Variants in LEUTX observed in about 807,000 individuals in gnomAD.
LEUTX encodes the protein leucine twenty homeobox.
Under a neutral mutation model 4.5 loss-of-function variants are expected in LEUTX, and 5 were observed. The observed-to-expected ratio is 1.11, with a 90% confidence interval of 0.58 to 2.34. LEUTX has a LOEUF of 2.34. Ranked by LOEUF, LEUTX falls within the 30% of genes most tolerant of loss-of-function variation. LEUTX has a pLI of 0.01. For missense variants in LEUTX, 233 were observed against 239.4 expected (o/e 0.97, Z 0.18); for synonymous variants, 89 against 85.1 (o/e 1.05, Z -0.25).
At chr19:39,781,580 T>C (rs1378784637) in intron 1 of LEUTX, among the ~76,000 whole-genome samples, 1 of 152,152 alleles carries the variant, frequency 6.6e-6, no homozygotes, top group East Asian at 1.9e-4. Context: ...TCTCTATCTC[T>C]AAGTTCACCT....
At chr19:39,785,422 A>G (rs1308650264) in intron 2 of LEUTX, among the ~76,000 whole-genome samples, 2 of 149,510 alleles carry the variant, frequency 1.3e-5, no homozygotes, top group East Asian at 2.0e-4. Context: ...TGGGTGACAG[A>G]GTGGTAGCTT....
chr19:39,776,928 G>T (rs1015108958), upstream of LEUTX, among the ~76,000 whole-genome samples: 4 of 152,056 alleles, frequency 2.6e-5, no homozygotes, highest in Admixed American at 6.6e-5. Flanking sequence ...TGTCTCCCAA[G>T]GCCCCTTGAA....
chr19:39,783,587 C>G (rs1490654645), intron 1 of LEUTX, among the ~76,000 whole-genome samples: 1 of 151,898 alleles, frequency 6.6e-6, no homozygotes, highest in African/African-American at 2.4e-5. Context: ...ACACTGTTTT[C>G]CATAGTGGCT....
Position 39,784,597 on chromosome 19 carries a change from G to T in LEUTX, c.78G>T (p.Leu26Phe). 2.6e-6 allele frequency: 4 copies of T among 1,547,008 alleles called. No homozygotes were observed. Among genetic ancestry groups the T allele is most frequent in the Non-Finnish European group, 3.5e-6 (4 of 1,142,768 alleles). Residue 26 changes from leucine (L) to phenylalanine (F), a missense_variant, in exon 2 of 3, where the codon TTG (leucine) becomes TTT (phenylalanine). Physicochemically the swap from Leu to Phe is conservative, Grantham distance 22. Transcript: ENST00000638280. The stretch of plus-strand genomic sequence containing the variant: ...AACAACTCACAGCATTGAGAGAATT[G>T]CTTGAAAAGACCATGCACCCAAGTT... The part of the protein sequence containing the change: ...LSKQLTALRE[L>F]LEKTMHPSLA...
intron 1 of LEUTX, among the ~76,000 whole-genome samples, chr19:39,779,260 A>G (rs1967848808): frequency 1.3e-5 from 2 of 151,974 alleles, no homozygotes; most frequent in Admixed American, 1.3e-4. Flanking sequence ...GCTAATTTTT[A>G]AATTTTTTGT....
At position 39,785,987 on chromosome 19, in the gene LEUTX, C is replaced by T; in HGVS notation, c.449C>T (p.Ala150Val). The change falls in exon 3 of 3, where the codon GCT (alanine) becomes GTT (valine). Residue 150 changes from alanine to valine, a missense_variant. By Grantham distance (64) the Ala-to-Val change is moderately conservative. Transcript: ENST00000638280. ...SYDIEQICLG[A>V]SNPPWASTLF... ...GACATTGAACAGATATGTCTGGGGGCTTCAAATCCTCCTTGGGCCTCCACT... is the reference window on the plus strand; with the variant it reads ...GACATTGAACAGATATGTCTGGGGGTTTCAAATCCTCCTTGGGCCTCCACT... 6.4e-7 allele frequency: 1 copy of T among 1,551,736 alleles called. No homozygotes were observed. Among genetic ancestry groups the T allele is most frequent in the Non-Finnish European group, 8.7e-7 (1 of 1,147,002 alleles).
In LEUTX at chr19:39,784,594, A is replaced by G; in HGVS notation, c.75A>G (p.Glu25=). ...CCAAACAACTCACAGCATTGAGAGA[A>G]TTGCTTGAAAAGACCATGCACCCAA... ...FLSKQLTALR[E]LLEKTMHPSL... The change falls in exon 2 of 3, where the codon GAA becomes GAG. Residue 25 remains glutamate, a synonymous_variant. Transcript: ENST00000638280. 1.3e-6 allele frequency: 2 copies of G among 1,544,076 alleles called. No homozygotes were observed. The highest frequency in any genetic ancestry group is 1.8e-6 in the Non-Finnish European group (2 of 1,140,128).
At chr19:39,778,473 C>T (rs1005770176), upstream of LEUTX, among the ~76,000 whole-genome samples, 4 of 152,126 alleles carry the variant, frequency 2.6e-5, no homozygotes, top group Admixed American at 1.3e-4. Context: ...CTCCGGGTCT[C>T]ACTGGAAGCC....
upstream of LEUTX, chr19:39,776,803 C>G: frequency 2.5e-6 from 1 of 395,030 alleles, no homozygotes; most frequent in South Asian, 1.9e-5. Context: ...ATCCCTTGAG[C>G]CTGGGAGGCG....
chr19:39,779,763 C>G (rs1238313505), intron 1 of LEUTX, among the ~76,000 whole-genome samples: 1 of 152,132 alleles, frequency 6.6e-6, no homozygotes, highest in Non-Finnish European at 1.5e-5. Context: ...CCTGTAATTC[C>G]AACACTTTCA....
chr19:39,779,852 A>G (rs1380567384), intron 1 of LEUTX, among the ~76,000 whole-genome samples: 1 of 152,098 alleles, frequency 6.6e-6, no homozygotes, highest in Non-Finnish European at 1.5e-5. Context: ...TGTCACTACT[A>G]AAAATACAAA....
chr19:39,784,411 G>C, intron 1 of LEUTX, 116 bp from the exon 2 acceptor site: 4 of 590,204 alleles, frequency 6.8e-6, no homozygotes, highest in Non-Finnish European at 1.2e-5. Flanking sequence ...GGACGGTCTA[G>C]GGCTCAAGGC....
chr19:39,784,258 A>G (rs1967930568), intron 1 of LEUTX, among the ~76,000 whole-genome samples: 1 of 151,670 alleles, frequency 6.6e-6, no homozygotes, highest in Non-Finnish European at 1.5e-5. Flanking sequence ...ATTCTTTTTC[A>G]GGTATATCAC....
At chr19:39,778,334 G>A (rs1323494824), upstream of LEUTX, among the ~76,000 whole-genome samples, 1 of 152,148 alleles carries the variant, frequency 6.6e-6, no homozygotes, top group Non-Finnish European at 1.5e-5. Context: ...ATCCCCTATG[G>A]TTTAGGCTCT....
At chr19:39,779,690 T>G (rs1358339825) in intron 1 of LEUTX, among the ~76,000 whole-genome samples, 1 of 152,238 alleles carries the variant, frequency 6.6e-6, no homozygotes, top group East Asian at 1.9e-4. Context: ...CATTTTCCTT[T>G]TATAATTGTA....
At chr19:39,777,000 G>T (rs149681800), upstream of LEUTX, among the ~76,000 whole-genome samples, 9 of 152,270 alleles carry the variant, frequency 5.9e-5, no homozygotes, top group East Asian at 1.7e-3. Flanking sequence ...ACCTTGGTTG[G>T]CCTTTCCAGT....
At chr19:39,778,799 GA>G (rs1967839142), upstream of LEUTX, 1 of 152,090 alleles carries the variant, frequency 6.6e-6, no homozygotes, top group East Asian at 1.9e-4. Context: ...ACAGGGTGGG[GA>G]CATGATTACA....
At chr19:39,776,515 A>G, upstream of LEUTX, 1 of 438,036 alleles carries the variant, frequency 2.3e-6, no homozygotes. Flanking sequence ...GAAGCCTTTG[A>G]TGAGAAAGTA....
upstream of LEUTX, among the ~76,000 whole-genome samples, chr19:39,777,336 C>T (rs990621833): frequency 2.6e-5 from 4 of 152,160 alleles, no homozygotes; most frequent in East Asian, 1.9e-4. Context: ...CTTGGGAAGG[C>T]GGCAGTGAGT....
Sources: allele counts gnomAD v4.1 joint callset (sites outside exome capture counted in the v4.1 genomes callset), GRCh38; gene constraint gnomAD v4.1.1; transcripts MANE v1.5; gene names NCBI Gene and HGNC (gene_info 2026-07-23, HGNC 2026-07-21).